Variants in PMS1 observed in about 807,000 individuals in gnomAD.
The protein encoded by PMS1 is PMS1 protein homolog 1.
Under a neutral mutation model 93.1 loss-of-function variants are expected in PMS1, and 79 were observed. The observed-to-expected ratio is 0.85, with a 90% confidence interval of 0.71 to 1.02. The LOEUF (loss-of-function observed/expected upper bound fraction) is 1.02. PMS1 is among the 50% of genes least tolerant of loss of function. PMS1 has a pLI of 0.00. For missense variants in PMS1, 1,064 were observed against 1,085.3 expected, an observed-to-expected ratio of 0.98 and a Z score of 0.28; for synonymous variants, 335 against 363.4, an observed-to-expected ratio of 0.92 and a Z score of 0.89.
intron 5 of PMS1, among the ~76,000 whole-genome samples, chr2:189,832,108 G>A (rs1375768152): frequency 6.6e-6 from 1 of 152,162 alleles, no homozygotes; most frequent in Non-Finnish European, 1.5e-5. Flanking sequence ...TGTATGGGAA[G>A]GGAAATAACA....
chr2:189,788,052 A>G (rs748079278), intron 1 of PMS1, among the ~76,000 whole-genome samples: 16 of 151,780 alleles, frequency 1.1e-4, no homozygotes, highest in Non-Finnish European at 2.2e-4. Context: ...ATGCAATTAT[A>G]GAGATTTAAA....
At chr2:189,829,764 C>T (rs183883379) in intron 5 of PMS1, among the ~76,000 whole-genome samples, 1 of 152,290 alleles carries the variant, frequency 6.6e-6, no homozygotes, top group South Asian at 2.1e-4. Context: ...GCTACTGATT[C>T]TCTCACACTC....
In PMS1 at chr2:189,803,523, G is replaced by A. The variant is rs953782192; in HGVS notation, c.316-2129G>A. 2.6e-5 allele frequency among the ~76,000 whole-genome samples: 4 copies of A among 152,220 alleles called. No individual in the cohort carries two copies. The South Asian group carries it at 8.3e-4, about 32-fold the overall frequency. On this transcript the variant is annotated intron_variant, in intron 3 of 12. Transcript: ENST00000441310. The stretch of plus-strand genomic sequence containing the variant: ...TCACTCTCTGCCACCATTCCTCAAT[G>A]TCTCTAGTAAGAATCACCAGTAATA...
At chr2:189,865,034 A>G (rs1289525312) in intron 10 of PMS1, among the ~76,000 whole-genome samples, 1 of 151,842 alleles carries the variant, frequency 6.6e-6, no homozygotes, top group African/African-American at 2.4e-5. Flanking sequence ...TTTCCTTCGC[A>G]AAATTAGTTT....
chr2:189,845,307 T>C (rs2054163329), intron 6 of PMS1, among the ~76,000 whole-genome samples: 1 of 152,108 alleles, frequency 6.6e-6, no homozygotes, highest in Non-Finnish European at 1.5e-5. Flanking sequence ...AAAGATCCAT[T>C]GTTGTATCTC....
intron 6 of PMS1, among the ~76,000 whole-genome samples, chr2:189,848,222 G>C (rs1404207273): frequency 1.3e-5 from 2 of 152,136 alleles, no homozygotes; most frequent in Non-Finnish European, 2.9e-5. Flanking sequence ...ATCTAGACTT[G>C]ATACCTTTAC....
chr2:189,787,555 A>G (rs2048470909), intron 1 of PMS1, among the ~76,000 whole-genome samples: 1 of 152,130 alleles, frequency 6.6e-6, no homozygotes, highest in Admixed American at 6.6e-5. Context: ...GATATTTTGA[A>G]TATATTAGAT....
rs956975160 is a variant in PMS1, at chr2:189,804,686, C to A, written c.316-966C>A. Among the ~76,000 whole-genome samples, 4 of 151,976 alleles carry A rather than the reference C, an allele frequency of 2.6e-5. No individual in the cohort carries two copies. The East Asian group carries it at 7.7e-4, about 29-fold the overall frequency. On this transcript the variant is annotated intron_variant, in intron 3 of 12. Transcript: ENST00000441310. ...GGTGACAGAACCTTCAAATATAGAC[C>A]CACTTGGATTCAGATGAGTTCCAAC...
chr2:189,831,399 C>T (rs2052918552), intron 5 of PMS1, among the ~76,000 whole-genome samples: 1 of 152,060 alleles, frequency 6.6e-6, no homozygotes, highest in Non-Finnish European at 1.5e-5. Context: ...GCTTTAAGGG[C>T]CTGAATTCAG....
intron 2 of PMS1, among the ~76,000 whole-genome samples, chr2:189,794,712 G>C (rs2049180204): frequency 6.6e-6 from 1 of 152,084 alleles, no homozygotes; most frequent in South Asian, 2.1e-4. Context: ...TTCATAGAAA[G>C]TATGATCACT....
At chr2:189,873,369 A>G (rs2057310224) in intron 11 of PMS1, 127 bp from the exon 12 acceptor site, 2 of 659,376 alleles carry the variant, frequency 3.0e-6, no homozygotes, top group Non-Finnish European at 5.3e-6. Context: ...CTAAGGAACA[A>G]AACTTTGTCC....
chr2:189,827,181 A>T (rs1412018152), intron 5 of PMS1, among the ~76,000 whole-genome samples: 1 of 152,222 alleles, frequency 6.6e-6, no homozygotes, highest in African/African-American at 2.4e-5. Flanking sequence ...TTAACAGTCA[A>T]ATAGAACAAC....
chr2:189,825,370 G>A (rs1228761670), intron 5 of PMS1, among the ~76,000 whole-genome samples: 1 of 152,166 alleles, frequency 6.6e-6, no homozygotes, highest in Admixed American at 6.5e-5. Context: ...AGCTTTAGTT[G>A]TAATAACTGA....
Position 189,809,561 on chromosome 2 carries a change from A to G in PMS1, c.418+3807A>G, listed in dbSNP as rs1456592622. On this transcript the variant is annotated intron_variant, in intron 4 of 12. Transcript: ENST00000441310. ...AAACATATAATTCTTATTAATCTCAATTGGCTGGGCACAGTGGCTCACGCC... is the reference window on the plus strand; with the variant it reads ...AAACATATAATTCTTATTAATCTCAGTTGGCTGGGCACAGTGGCTCACGCC... 2.0e-5 allele frequency among the ~76,000 whole-genome samples: 3 copies of G among 148,894 alleles called. No individual in the cohort carries two copies. The Admixed American group carries it at 2.1e-4, about 10-fold the overall frequency.
intron 3 of PMS1, among the ~76,000 whole-genome samples, chr2:189,805,244 G>A (rs1053627336): frequency 2.0e-4 from 31 of 152,040 alleles, no homozygotes; most frequent in African/African-American, 7.2e-4. Flanking sequence ...AAAGAAGGGG[G>A]AGGGAATGAT....
Position 189,855,137 on chromosome 2 carries a change from C to T in PMS1, c.1856+9C>T, listed in dbSNP as rs756082358. 1 of 1,609,054 alleles carries T rather than the reference C, an allele frequency of 6.2e-7. No homozygotes were observed. The highest frequency in any genetic ancestry group is 1.3e-5 in the African/African-American group (1 of 74,786). On this transcript the variant is annotated intron_variant, in intron 9 of 12. Transcript: ENST00000441310. ...GAAGAGGAAAAACTGAAGTAAGTTT[C>T]CAGAGCTTGCATGTGACTTGAATGT... is the stretch of plus-strand genomic sequence containing the variant.
At chr2:189,875,502 A>T (rs1348726937) in intron 12 of PMS1, among the ~76,000 whole-genome samples, 1 of 152,148 alleles carries the variant, frequency 6.6e-6, no homozygotes, top group African/African-American at 2.4e-5. Flanking sequence ...GTGTTGTTCA[A>T]GGGTCTGCTG....
chr2:189,798,619 G>C (rs1045087486), intron 3 of PMS1, among the ~76,000 whole-genome samples: 1 of 152,070 alleles, frequency 6.6e-6, no homozygotes, highest in Admixed American at 6.6e-5. Flanking sequence ...CACAACCCTG[G>C]ATCTTGTACA....
intron 5 of PMS1, among the ~76,000 whole-genome samples, chr2:189,840,771 G>C (rs111678975): frequency 6.6e-6 from 1 of 152,100 alleles, no homozygotes; most frequent in African/African-American, 2.4e-5. Context: ...CAGACTTTAG[G>C]ATGCTAGAAT....
Sources: gnomAD v4.1 joint callset for allele counts (sites outside exome capture counted in the v4.1 genomes callset) on GRCh38, gnomAD v4.1.1 for gene constraint, MANE v1.5 for transcripts, NCBI Gene and HGNC (gene_info 2026-07-23, HGNC 2026-07-21) for gene names.